CLINT1: variants seen among roughly 807,000 people sequenced by gnomAD.
CLINT1 encodes the protein clathrin interacting protein localized in the trans-Golgi region.
A neutral mutation model predicts 70.4 loss-of-function variants in CLINT1; 15 were observed. That is an observed-to-expected ratio of 0.21 (90% confidence interval 0.14 to 0.33). The LOEUF (loss-of-function observed/expected upper bound fraction) is 0.33, where lower values mean the gene tolerates loss of function less well. Ranked by LOEUF, CLINT1 falls within the 10% of genes least tolerant of loss-of-function variation. CLINT1 has a pLI of 1.00. For synonymous variants in CLINT1, 227 were observed against 254.7 expected (o/e 0.89, Z 1.04); for missense variants, 615 against 778.1 (o/e 0.79, Z 2.49).
chr5:157,813,361 A>AG, intron 4 of CLINT1, 134 bp from the exon 5 acceptor site: 1 of 828,546 alleles, frequency 1.2e-6, no homozygotes. Flanking sequence ...GAAAGGGGCA[A>AG]GTTGTGCTAT....
At chr5:157,853,647 C>G (rs1384256670) in intron 1 of CLINT1, among the ~76,000 whole-genome samples, 1 of 151,698 alleles carries the variant, frequency 6.6e-6, no homozygotes, top group Non-Finnish European at 1.5e-5. Flanking sequence ...CATGGTGGCA[C>G]GTGCCTGTAA....
intron 1 of CLINT1, among the ~76,000 whole-genome samples, chr5:157,838,217 G>A (rs1423830140): frequency 2.0e-5 from 3 of 150,276 alleles, no homozygotes; most frequent in Non-Finnish European, 4.4e-5. Flanking sequence ...CTGCTTCCCA[G>A]GTTCAAGTAA....
intron 5 of CLINT1, among the ~76,000 whole-genome samples, chr5:157,812,550 G>A (rs1006575909): frequency 1.3e-5 from 2 of 152,156 alleles, no homozygotes; most frequent in African/African-American, 4.8e-5. Flanking sequence ...GAAAAACTGC[G>A]AGTATCGTCA....
intron 1 of CLINT1, among the ~76,000 whole-genome samples, chr5:157,846,795 T>C (rs537055964): frequency 1.3e-5 from 2 of 152,196 alleles, no homozygotes; most frequent in South Asian, 4.1e-4. Flanking sequence ...ATTATGAAAA[T>C]CCTGGGGCCC....
At chr5:157,814,751 C>T (rs1762662400) in intron 3 of CLINT1, among the ~76,000 whole-genome samples, 1 of 151,990 alleles carries the variant, frequency 6.6e-6, no homozygotes, top group South Asian at 2.1e-4. Context: ...AAGGTTGTGG[C>T]CAGGCTCAGC....
chr5:157,787,775 T>TATGTTC lies in CLINT1; in HGVS notation c.1743_1748dup (p.Met581_Asn582dup), dbSNP rs1561632377. On this transcript the variant is annotated inframe_insertion, in exon 12 of 12. Coordinates refer to ENST00000411809, the MANE Select transcript of CLINT1 (RefSeq NM_014666.4). The stretch of plus-strand genomic sequence containing the variant: ...AGCCCATCCCAGCAGCGGACATCCC[T>TATGTTC]ATGTTCATGTTCATGCCCATCATGC... The TATGTTC allele has an allele frequency of 6.2e-7, 1 of 1,613,922 alleles. No individual in the cohort carries two copies. Among genetic ancestry groups the TATGTTC allele is most frequent in the Non-Finnish European group, 8.5e-7 (1 of 1,179,884 alleles).
chr5:157,821,465 GA>G (rs1762878418), intron 1 of CLINT1, among the ~76,000 whole-genome samples: 2 of 151,880 alleles, frequency 1.3e-5, no homozygotes, highest in South Asian at 2.1e-4. Context: ...CATAAACCAG[GA>G]AAAAAAATGT....
At position 157,818,713 on chromosome 5, in the gene CLINT1, A is replaced by C. The variant is rs535437064; in HGVS notation, c.42-1166T>G. 1.6e-4 allele frequency among the ~76,000 whole-genome samples: 24 copies of C among 152,252 alleles called. No individual in the cohort carries two copies. In the South Asian group the frequency reaches 3.7e-3, roughly 24 times the overall value. ...TAGGAGTATTTCAAAACATTATGTA[A>C]TATTTTTATATGAAAGAATTCACTT... On this transcript the variant is annotated intron_variant, in intron 1 of 11. Coordinates refer to ENST00000411809, the MANE Select transcript of CLINT1 (RefSeq NM_014666.4).
intron 1 of CLINT1, among the ~76,000 whole-genome samples, chr5:157,833,621 G>A (rs184028107): frequency 4.6e-5 from 7 of 152,196 alleles, no homozygotes; most frequent in African/African-American, 1.7e-4. Flanking sequence ...AGCACCCTTT[G>A]CTTTCTACTA....
chr5:157,842,955 AG>A (rs1233323341), intron 1 of CLINT1, among the ~76,000 whole-genome samples: 1 of 152,180 alleles, frequency 6.6e-6, no homozygotes, highest in African/African-American at 2.4e-5. Context: ...GTTTTATAAA[AG>A]TAAGGACGGT....
intron 1 of CLINT1, among the ~76,000 whole-genome samples, chr5:157,842,005 A>G (rs950776224): frequency 1.3e-5 from 2 of 152,240 alleles, no homozygotes; most frequent in Admixed American, 6.5e-5. Context: ...AGTAGCTCTC[A>G]AGTGCAGTCA....
chr5:157,817,413 T>C (rs754508783), intron 2 of CLINT1, 30 bp downstream of exon 2: 1 of 1,352,498 alleles, frequency 7.4e-7, no homozygotes, highest in South Asian at 1.3e-5. Context: ...TTGATTTTTT[T>C]CTGCACTGCT....
chr5:157,834,015 C>G (rs1763333503), intron 1 of CLINT1, among the ~76,000 whole-genome samples: 1 of 152,150 alleles, frequency 6.6e-6, no homozygotes, highest in African/African-American at 2.4e-5. Context: ...TTCCATACAC[C>G]TGGGGACACA....
intron 6 of CLINT1, among the ~76,000 whole-genome samples, chr5:157,806,497 A>G (rs1317401690): frequency 6.6e-6 from 1 of 152,138 alleles, no homozygotes; most frequent in Non-Finnish European, 1.5e-5. Context: ...TGTGATGATT[A>G]TTTTCTTGAC....
chr5:157,788,018 A>T (rs1469791941), intron 11 of CLINT1, 26 bp from the exon 12 acceptor site: 1 of 1,542,122 alleles, frequency 6.5e-7, no homozygotes, highest in Non-Finnish European at 8.8e-7. Flanking sequence ...AGACAGAAGA[A>T]CTTTACCACA....
intron 6 of CLINT1, 131 bp downstream of exon 6, chr5:157,809,497 T>TA (rs60217753): frequency 0.28 from 136,720 of 496,012 alleles, 8,155 homozygotes; most frequent in East Asian, 0.44. Context: ...TGAAGTCTAT[T>TA]AAAAAAAAAA....
intron 1 of CLINT1, among the ~76,000 whole-genome samples, chr5:157,818,562 T>C (rs1045070858): frequency 1.3e-5 from 2 of 151,106 alleles, no homozygotes; most frequent in South Asian, 2.1e-4. Flanking sequence ...GGTGGGAAGA[T>C]TGTTTGATTC....
chr5:157,796,931 T>C (rs1355793559), intron 8 of CLINT1, among the ~76,000 whole-genome samples: 1 of 152,096 alleles, frequency 6.6e-6, no homozygotes, highest in Non-Finnish European at 1.5e-5. Context: ...AGTTGACTAA[T>C]GCCAACCAAA....
intron 1 of CLINT1, among the ~76,000 whole-genome samples, chr5:157,840,902 AT>A (rs1323104783): frequency 2.0e-5 from 3 of 151,872 alleles, no homozygotes; most frequent in Non-Finnish European, 4.4e-5. Context: ...AAGTGTATAT[AT>A]TTTTTTCTTT....
Sources: allele counts gnomAD v4.1 joint callset (sites outside exome capture counted in the v4.1 genomes callset), GRCh38; gene constraint gnomAD v4.1.1; transcripts MANE v1.5; gene names NCBI Gene and HGNC (gene_info 2026-07-23, HGNC 2026-07-21).